CSMD1: variants seen among roughly 807,000 people sequenced by gnomAD.
The protein encoded by CSMD1 is CUB and sushi domain-containing protein 1.
CSMD1 carries 213 observed loss-of-function variants against 417.5 expected under a neutral mutation model. That is an observed-to-expected ratio of 0.51 (90% CI 0.46 to 0.57). CSMD1 has a LOEUF of 0.57. Ranked by LOEUF, CSMD1 falls within the 20% of genes least tolerant of loss-of-function variation. The probability of loss-of-function intolerance (pLI) is 0.00; values close to 1 mark genes in which losing one functional copy is unlikely to be tolerated. For synonymous variants in CSMD1, 2,862 were observed against 1,736.8 expected, an observed-to-expected ratio of 1.65 and a Z score of -16.11; for missense variants, 6,923 against 4,529.7, an observed-to-expected ratio of 1.53 and a Z score of -15.17.
chr8:4,270,360 T>C (rs948281723), intron 3 of CSMD1, among the ~76,000 whole-genome samples: 1 of 152,142 alleles, frequency 6.6e-6, no homozygotes, highest in African/African-American at 2.4e-5. Flanking sequence ...TTCCACTTCA[T>C]CTCCTGTTCT....
chr8:3,319,350 T>C (rs921961754), intron 23 of CSMD1, among the ~76,000 whole-genome samples: 2 of 152,170 alleles, frequency 1.3e-5, no homozygotes, highest in Non-Finnish European at 2.9e-5. Context: ...ATGAAAATAT[T>C]TGCAATACAC....
intron 3 of CSMD1, among the ~76,000 whole-genome samples, chr8:4,239,214 G>T (rs150202438): frequency 1.3e-5 from 2 of 152,144 alleles, no homozygotes; most frequent in African/African-American, 2.4e-5. Flanking sequence ...TGAGTCTCAC[G>T]TTTCACATCC....
chr8:3,081,405 A>G (rs1814086121), intron 49 of CSMD1, among the ~76,000 whole-genome samples: 1 of 152,228 alleles, frequency 6.6e-6, no homozygotes, highest in Non-Finnish European at 1.5e-5. Flanking sequence ...AAAATAGATC[A>G]ATATAGATTT....
At chr8:4,014,543 G>A (rs532027063) in intron 4 of CSMD1, among the ~76,000 whole-genome samples, 11 of 152,236 alleles carry the variant, frequency 7.2e-5, no homozygotes, top group Admixed American at 5.2e-4. Flanking sequence ...GATCCTAATA[G>A]CCGTTATTGG....
At chr8:4,953,274 C>T (rs774908331) in intron 1 of CSMD1, among the ~76,000 whole-genome samples, 1 of 152,016 alleles carries the variant, frequency 6.6e-6, no homozygotes, top group Non-Finnish European at 1.5e-5. Flanking sequence ...TCTAAATAGC[C>T]TAACTAAATC....
intron 5 of CSMD1, among the ~76,000 whole-genome samples, chr8:3,960,960 T>G (rs1235317832): frequency 1.3e-5 from 2 of 151,986 alleles, no homozygotes; most frequent in East Asian, 1.9e-4. Context: ...CTCTTAATAT[T>G]GTATGATTTA....
chr8:4,180,076 G>A (rs1798268811), intron 3 of CSMD1, among the ~76,000 whole-genome samples: 1 of 152,174 alleles, frequency 6.6e-6, no homozygotes, highest in Non-Finnish European at 1.5e-5. Context: ...TCCCATTACT[G>A]GGTATATACC....
In CSMD1 at chr8:4,583,848, C is replaced by A. The variant is rs11994151; in HGVS notation, c.302+53494G>T. 5.7e-3 allele frequency among the ~76,000 whole-genome samples: 870 copies of A among 152,244 alleles called. 6 individuals carry two copies. Among genetic ancestry groups the A allele is most frequent in the African/African-American group, 0.02 (850 of 41,562 alleles). ...CAACCCACTCGTGTCCCCTTCCACA[C>A]TGTGGAAGCTTTGTTCTTTCACTCT... On this transcript the variant is annotated intron_variant, in intron 2 of 69. Transcript: ENST00000635120.
intron 5 of CSMD1, among the ~76,000 whole-genome samples, chr8:3,797,811 C>T (rs1000677871): frequency 6.6e-6 from 1 of 151,936 alleles, no homozygotes; most frequent in Non-Finnish European, 1.5e-5. Flanking sequence ...AGGTATATGT[C>T]TGACTTCATA....
At chr8:3,860,332 C>T (rs192672234) in intron 5 of CSMD1, among the ~76,000 whole-genome samples, 32 of 152,118 alleles carry the variant, frequency 2.1e-4, no homozygotes, top group South Asian at 8.3e-4. Context: ...TCAACACAGC[C>T]AGCAAGTATA....
intron 1 of CSMD1, among the ~76,000 whole-genome samples, chr8:4,958,670 C>T (rs773904214): frequency 6.6e-6 from 1 of 152,004 alleles, no homozygotes; most frequent in Non-Finnish European, 1.5e-5. Flanking sequence ...TTGTGAGTTA[C>T]CATGGAGTTT....
intron 5 of CSMD1, among the ~76,000 whole-genome samples, chr8:3,820,464 A>T (rs1467547601): frequency 6.6e-6 from 1 of 152,210 alleles, no homozygotes; most frequent in Non-Finnish European, 1.5e-5. Flanking sequence ...TTCCAACTTG[A>T]TACCTTGTCC....
At chr8:4,308,907 A>G (rs1456298551) in intron 3 of CSMD1, among the ~76,000 whole-genome samples, 1 of 152,236 alleles carries the variant, frequency 6.6e-6, no homozygotes, top group Non-Finnish European at 1.5e-5. Flanking sequence ...TACTCAGAAA[A>G]TATCAAAGGT....
intron 2 of CSMD1, among the ~76,000 whole-genome samples, chr8:4,608,669 C>G (rs1346477584): frequency 6.6e-6 from 1 of 152,166 alleles, no homozygotes; most frequent in Non-Finnish European, 1.5e-5. Flanking sequence ...AAGCAATGTC[C>G]TAAAGTCCTC....
At chr8:3,760,972 G>C (rs1240872900) in intron 5 of CSMD1, among the ~76,000 whole-genome samples, 1 of 141,512 alleles carries the variant, frequency 7.1e-6, no homozygotes, top group Non-Finnish European at 1.6e-5. Context: ...TTTTTTTTTT[G>C]CATTTTCTGG....
At chr8:3,991,985 T>C (rs941432265) in intron 5 of CSMD1, among the ~76,000 whole-genome samples, 1 of 151,902 alleles carries the variant, frequency 6.6e-6, no homozygotes. Flanking sequence ...ACAAAAAAAA[T>C]ACACTATTGA....
intron 10 of CSMD1, among the ~76,000 whole-genome samples, chr8:3,501,197 C>G (rs1348158359): frequency 6.6e-6 from 1 of 152,108 alleles, no homozygotes; most frequent in East Asian, 1.9e-4. Context: ...CCAAATATAT[C>G]AACTGATCTC....
chr8:3,674,838 T>G (rs905422092), intron 7 of CSMD1, among the ~76,000 whole-genome samples: 1 of 152,196 alleles, frequency 6.6e-6, no homozygotes, highest in Non-Finnish European at 1.5e-5. Context: ...ATCAGGGCAC[T>G]TTGCAGTAAA....
chr8:4,008,851 C>A (rs1816337421), intron 4 of CSMD1, among the ~76,000 whole-genome samples: 1 of 151,938 alleles, frequency 6.6e-6, no homozygotes, highest in South Asian at 2.1e-4. Flanking sequence ...ACCTCCTGAT[C>A]CGTCCGCCTC....
Sources: allele counts gnomAD v4.1 joint callset (sites outside exome capture counted in the v4.1 genomes callset), GRCh38; gene constraint gnomAD v4.1.1; transcripts MANE v1.5; gene names NCBI Gene and HGNC (gene_info 2026-07-23, HGNC 2026-07-21).